Variants in PAX7 observed in about 807,000 individuals in gnomAD.
PAX7 encodes the protein paired box protein Pax-7.
PAX7 carries 18 observed loss-of-function variants against 50.7 expected under a neutral mutation model. The ratio of observed to expected loss-of-function variants is 0.36; its 90% CI spans 0.25 to 0.53. The LOEUF (loss-of-function observed/expected upper bound fraction) is 0.53, where lower values mean the gene tolerates loss of function less well. PAX7 is among the 20% of genes least tolerant of loss of function. PAX7 has a pLI of 0.93. For missense variants in PAX7, 644 were observed against 702.9 expected, an observed-to-expected ratio of 0.92 and a Z score of 0.95; for synonymous variants, 310 against 290.4, an observed-to-expected ratio of 1.07 and a Z score of -0.69.
intron 7 of PAX7, among the ~76,000 whole-genome samples, chr1:18,712,461 C>G (rs540524749): frequency 6.6e-6 from 1 of 152,172 alleles, no homozygotes; most frequent in Non-Finnish European, 1.5e-5. Context: ...ACCCCTTTTT[C>G]CTGGGTGGAG....
chr1:18,717,059 C>T (rs1393432939), intron 7 of PAX7, among the ~76,000 whole-genome samples: 1 of 152,016 alleles, frequency 6.6e-6, no homozygotes, highest in African/African-American at 2.4e-5. Context: ...CCGTCGCCGC[C>T]GCGCCTTTGA....
chr1:18,684,613 A>G (rs1189504144), intron 4 of PAX7, among the ~76,000 whole-genome samples: 1 of 152,086 alleles, frequency 6.6e-6, no homozygotes, highest in Non-Finnish European at 1.5e-5. Flanking sequence ...GCTGTAAATG[A>G]CTTTTCCATT....
intron 4 of PAX7, among the ~76,000 whole-genome samples, chr1:18,638,267 G>A (rs1445027834): frequency 6.6e-6 from 1 of 152,214 alleles, no homozygotes; most frequent in Non-Finnish European, 1.5e-5. Context: ...AAAGGAAGAG[G>A]ATGGAAAGAT....
rs561515859 is a variant in PAX7, at chr1:18,726,058, G to A, written c.1156-9574G>A. Among the ~76,000 whole-genome samples, 6 of 151,572 alleles carry A rather than the reference G, an allele frequency of 4.0e-5. No individual in the cohort carries two copies. The East Asian group carries it at 1.2e-3, about 29-fold the overall frequency. On this transcript the variant is annotated intron_variant, in intron 7 of 8. Coordinates refer to ENST00000420770, the MANE Select transcript of PAX7 (RefSeq NM_001135254.2). The surrounding 1 kb of genome is among the most constrained non-coding windows in gnomAD (Gnocchi z 4.8). ...TGTGTGTGTGTGTCTTTGACTTCTT[G>A]GACAATAAGTGGAATGCCATTCTGT... is the stretch of plus-strand genomic sequence containing the variant.
intron 4 of PAX7, among the ~76,000 whole-genome samples, chr1:18,648,328 C>T (rs2088377839): frequency 6.8e-6 from 1 of 146,082 alleles, no homozygotes; most frequent in African/African-American, 2.6e-5. Context: ...CACTCTACTA[C>T]TTTATTTTTG....
chr1:18,743,377 T>C (rs139551995), intron 8 of PAX7, among the ~76,000 whole-genome samples: 1,589 of 152,354 alleles, frequency 0.01, 37 homozygotes, highest in African/African-American at 0.037. Context: ...TTGGCCTCCC[T>C]GGCCTCATCC....
intron 7 of PAX7, among the ~76,000 whole-genome samples, chr1:18,728,871 A>G (rs2089611857): frequency 6.6e-6 from 1 of 151,872 alleles, no homozygotes. Context: ...GTCTCAAAAA[A>G]AAAAACAAAA....
At chr1:18,686,896 A>AT (rs68110932) in intron 4 of PAX7, among the ~76,000 whole-genome samples, 10,798 of 127,874 alleles carry the variant, frequency 0.084, 608 homozygotes, top group African/African-American at 0.17. Flanking sequence ...TATTATTATT[A>AT]TTATTATTTT....
chr1:18,631,383 C>G lies in PAX7; in HGVS notation c.-221C>G, dbSNP rs541969447. The G allele has an allele frequency of 8.5e-5, 47 of 555,700 alleles. No homozygotes were observed. Among genetic ancestry groups the G allele is most frequent in the East Asian group, 6.1e-4 (21 of 34,414 alleles). The allele number at this position is 555,700 out of a possible 1,614,324, so 34.4% of individuals were successfully genotyped here. ...CTCGTCGTCGCCACCTTCCCTCCCC[C>G]CAACCTCCACCCCACCTCACCCCCC... On this transcript the variant is annotated 5_prime_UTR_variant, in exon 1 of 9. Coordinates refer to ENST00000420770, the MANE Select transcript of PAX7 (RefSeq NM_001135254.2).
intron 4 of PAX7, among the ~76,000 whole-genome samples, chr1:18,679,222 G>T (rs945198624): frequency 6.6e-6 from 1 of 152,198 alleles, no homozygotes; most frequent in Non-Finnish European, 1.5e-5. Flanking sequence ...GAGCCCGGAA[G>T]CAGGGAGTTA....
chr1:18,643,988 C>T (rs1023163678), intron 4 of PAX7, among the ~76,000 whole-genome samples: 1 of 152,242 alleles, frequency 6.6e-6, no homozygotes, highest in African/African-American at 2.4e-5. Flanking sequence ...AACAGGCCGG[C>T]CCGGGCTTCA....
At chr1:18,701,202 G>A (rs771237449) in intron 6 of PAX7, among the ~76,000 whole-genome samples, 4 of 152,208 alleles carry the variant, frequency 2.6e-5, no homozygotes, top group Non-Finnish European at 5.9e-5. Flanking sequence ...AGAGGACACT[G>A]GGCTGACCTG....
rs766495134 is a variant in PAX7, at chr1:18,735,670, G to T, written c.1194G>T (p.Pro398=). The change falls in exon 8 of 9, where the codon CCG becomes CCT. Residue 398 remains proline, a synonymous_variant. Coordinates refer to ENST00000420770, the MANE Select transcript of PAX7 (RefSeq NM_001135254.2). This position sits in a 1 kb window ranked among gnomAD's most constrained non-coding sequence, Gnocchi z 4.0. Reference sequence around the variant, plus strand: ...TGGGCAACCCCAGTGCGGTGCCCCCGCAGCCACAGGCTGACTTCTCCATCT... The same window carrying T: ...TGGGCAACCCCAGTGCGGTGCCCCCTCAGCCACAGGCTGACTTCTCCATCT... ...SILGNPSAVP[P]QPQADFSISP... 2 of 1,613,878 alleles carry T rather than the reference G, an allele frequency of 1.2e-6. No homozygotes were observed. The highest frequency in any genetic ancestry group is 2.7e-5 in the African/African-American group (2 of 74,932).
At chr1:18,681,151 G>A (rs1041257811) in intron 4 of PAX7, among the ~76,000 whole-genome samples, 1 of 88,644 alleles carries the variant, frequency 1.1e-5, no homozygotes, top group African/African-American at 4.3e-5. Flanking sequence ...TGGGCAACAA[G>A]AGCAAAACTC....
chr1:18,646,018 A>C (rs958205863), intron 4 of PAX7, among the ~76,000 whole-genome samples: 1 of 152,222 alleles, frequency 6.6e-6, no homozygotes, highest in Admixed American at 6.5e-5. Flanking sequence ...GGGTCTAAAA[A>C]TATGGTAGAA....
In PAX7 at chr1:18,687,127, G is replaced by T. The variant is rs529300314; in HGVS notation, c.587-4627G>T. Among the ~76,000 whole-genome samples the T allele has an allele frequency of 5.3e-5, 8 of 151,946 alleles. No homozygotes were observed. The East Asian group carries it at 1.4e-3, about 26-fold the overall frequency. On this transcript the variant is annotated intron_variant, in intron 4 of 8. Coordinates refer to ENST00000420770, the MANE Select transcript of PAX7 (RefSeq NM_001135254.2). ...GGTGGTCTTGAACTCCTGACCTCAG[G>T]TGATCCACCCGCCTCAGCCTCCCAA...
chr1:18,655,349 C>G (rs943590603), intron 4 of PAX7, among the ~76,000 whole-genome samples: 1 of 152,148 alleles, frequency 6.6e-6, no homozygotes, highest in Non-Finnish European at 1.5e-5. Context: ...AATATGCAAA[C>G]AAGTGCCAAA....
In PAX7 at chr1:18,748,189, C is replaced by G. The variant is rs1931526284; in HGVS notation, c.*3260C>G. The G allele has an allele frequency of 4.5e-6, 1 of 224,166 alleles. No homozygotes were observed. The highest frequency in any genetic ancestry group is 1.8e-4 in the South Asian group (1 of 5,428). 13.9% of individuals were successfully genotyped at this position (224,166 alleles called of 1,614,324 possible). A position where few individuals can be genotyped will look rare whatever the true frequency, so the allele number is the denominator to read the frequency against. On this transcript the variant is annotated 3_prime_UTR_variant, in exon 9 of 9. Transcript: ENST00000420770. ...AACGAAGAGCCAGATTGAAATCTGA[C>G]TCTGGCTTGAGAACAGGACGGGTCC... is the stretch of plus-strand genomic sequence containing the variant.
In PAX7 at chr1:18,691,962, G is replaced by GCCT. The variant is rs2089078045; in HGVS notation, c.786+10_786+11insCTC. 1 of 1,609,980 alleles carries GCCT rather than the reference G, an allele frequency of 6.2e-7. No homozygotes were observed. The highest frequency in any genetic ancestry group is 8.5e-7 in the Non-Finnish European group (1 of 1,177,752). On this transcript the variant is annotated intron_variant, in intron 5 of 8. Coordinates refer to ENST00000420770, the MANE Select transcript of PAX7 (RefSeq NM_001135254.2). Reference sequence around the variant, plus strand: ...CAGAGGCGCGTGTGCAGGTGAGGAGGCACCTGCGGTGTCGGTGCTGCAGAT... The same window carrying GCCT: ...CAGAGGCGCGTGTGCAGGTGAGGAGGCCTCACCTGCGGTGTCGGTGCTGCAGAT...
Sources: allele counts gnomAD v4.1 joint callset (sites outside exome capture counted in the v4.1 genomes callset), GRCh38; gene constraint gnomAD v4.1.1; non-coding constraint Gnocchi (gnomAD v3.1); transcripts MANE v1.5; gene names NCBI Gene and HGNC (gene_info 2026-07-23, HGNC 2026-07-21).